The following RBFOX1 variants were observed in gnomAD, a reference collection of about 807,000 sequenced individuals.
The protein encoded by RBFOX1 is RNA binding fox-1 homolog 1, also known as RNA binding protein fox-1 homolog 1.
RBFOX1 carries 8 observed loss-of-function variants against 57.7 expected under a neutral mutation model. The ratio of observed to expected loss-of-function variants is 0.14; its 90% CI spans 0.08 to 0.25. The LOEUF (loss-of-function observed/expected upper bound fraction) is 0.25, where lower values mean the gene tolerates loss of function less well. RBFOX1 is among the 10% of genes least tolerant of loss of function. The probability of loss-of-function intolerance (pLI) is 1.00; values close to 1 mark genes in which losing one functional copy is unlikely to be tolerated. For missense variants in RBFOX1, 611 were observed against 548.5 expected, an observed-to-expected ratio of 1.11 and a Z score of -1.14; for synonymous variants, 326 against 222.4, an observed-to-expected ratio of 1.47 and a Z score of -4.15.
chr16:6,907,678 C>T (rs1019778773), intron 3 of RBFOX1, among the ~76,000 whole-genome samples: 9 of 152,190 alleles, frequency 5.9e-5, no homozygotes, highest in Non-Finnish European at 1.3e-4. Flanking sequence ...TCAAGCAATT[C>T]TCCTGGCTCA....
intron 2 of RBFOX1, among the ~76,000 whole-genome samples, chr16:5,495,735 C>A (rs1457501477): frequency 2.0e-5 from 3 of 152,214 alleles, no homozygotes; most frequent in Non-Finnish European, 4.4e-5. Flanking sequence ...TCCATAAATA[C>A]CCATATCTGG....
rs537608360 is a variant in RBFOX1 at position 7,262,086 on chromosome 16, T to C, written c.27+209988T>C. ...TGGAGGTTTCACTATGTTTTCCTTT[T>C]GCTGGGGGTACCATTTCTGGGAAAT... On this transcript the variant is annotated intron_variant, in intron 4 of 15. Transcript: ENST00000550418. Among the ~76,000 whole-genome samples, 318 of 152,328 alleles carry C rather than the reference T, an allele frequency of 2.1e-3. 2 individuals carry two copies. Among genetic ancestry groups the C allele is most frequent in the Middle Eastern group, 6.8e-3 (2 of 294 alleles).
At chr16:6,330,968 G>A (rs2082950167) in intron 2 of RBFOX1, among the ~76,000 whole-genome samples, 1 of 152,166 alleles carries the variant, frequency 6.6e-6, no homozygotes, top group African/African-American at 2.4e-5. Context: ...AATTGAAAGA[G>A]CAGATATGAG....
At chr16:6,252,786 G>C (rs113060151) in intron 1 of RBFOX1, among the ~76,000 whole-genome samples, 8 of 152,138 alleles carry the variant, frequency 5.3e-5, no homozygotes, top group African/African-American at 1.9e-4. Context: ...TAAATTCTGC[G>C]TAGGGAATTA....
At chr16:5,311,199 C>G (rs1017296171) in intron 1 of RBFOX1, among the ~76,000 whole-genome samples, 16 of 152,098 alleles carry the variant, frequency 1.1e-4, no homozygotes, top group African/African-American at 3.6e-4. Flanking sequence ...GAGTAGTATT[C>G]CACGGTATGT....
At chr16:5,963,586 A>G (rs2059791788) in intron 4 of RBFOX1, among the ~76,000 whole-genome samples, 1 of 152,198 alleles carries the variant, frequency 6.6e-6, no homozygotes, top group Admixed American at 6.5e-5. Flanking sequence ...CTTAATAGAG[A>G]GCTCAGAAAT....
intron 3 of RBFOX1, among the ~76,000 whole-genome samples, chr16:6,993,436 C>G (rs999498411): frequency 1.2e-4 from 18 of 152,250 alleles, no homozygotes; most frequent in African/African-American, 4.1e-4. Flanking sequence ...AAATGCATTG[C>G]TGGCTGAGGG....
intron 5 of RBFOX1, among the ~76,000 whole-genome samples, chr16:7,528,308 C>T (rs2079161585): frequency 6.6e-6 from 1 of 152,280 alleles, no homozygotes; most frequent in African/African-American, 2.4e-5. Flanking sequence ...TCAGTTTACC[C>T]ACTCAGGATG....
At chr16:5,653,033 C>T (rs114558243) in intron 3 of RBFOX1, among the ~76,000 whole-genome samples, 3,771 of 146,528 alleles carry the variant, frequency 0.026, 151 homozygotes, top group African/African-American at 0.089. Flanking sequence ...GGCTTCTGTG[C>T]GGAAAGTGGG....
intron 9 of RBFOX1, among the ~76,000 whole-genome samples, chr16:7,603,112 C>T (rs1448924409): frequency 6.6e-6 from 1 of 152,080 alleles, no homozygotes; most frequent in Non-Finnish European, 1.5e-5. Flanking sequence ...TAAACGCCTA[C>T]ATCAAAAAAG....
chr16:5,846,032 G>A (rs995034878), intron 3 of RBFOX1, among the ~76,000 whole-genome samples: 49 of 152,174 alleles, frequency 3.2e-4, no homozygotes, highest in African/African-American at 1.1e-3. Flanking sequence ...AATTACCCAG[G>A]CATGGAGGTG....
intron 4 of RBFOX1, among the ~76,000 whole-genome samples, chr16:7,165,928 G>GCACA (rs1567535708): frequency 2.7e-5 from 2 of 75,382 alleles, no homozygotes; most frequent in Admixed American, 1.5e-4. Context: ...CCCACCGCAT[G>GCACA]CACATACACA....
At chr16:7,709,462 T>A in intron 15 of RBFOX1, 1 of 1,436,666 alleles carries the variant, frequency 7.0e-7, no homozygotes, top group Non-Finnish European at 9.1e-7. Flanking sequence ...TTTTTTCTTT[T>A]TTTTTCCCTC....
At chr16:7,697,337 G>C (rs1190314952) in intron 14 of RBFOX1, among the ~76,000 whole-genome samples, 5 of 152,120 alleles carry the variant, frequency 3.3e-5, no homozygotes, top group African/African-American at 1.2e-4. Flanking sequence ...CCCCACTCTT[G>C]TTCTAAGGGT....
chr16:6,771,705 T>TA, intron 3 of RBFOX1, among the ~76,000 whole-genome samples: 1 of 152,322 alleles, frequency 6.6e-6, no homozygotes, highest in East Asian at 1.9e-4. Flanking sequence ...CAAGGCACTA[T>TA]AATGCTACTG....
rs1005035453 is a variant in RBFOX1 at position 6,631,815 on chromosome 16, G to A, written c.-63-22788G>A. Reference sequence around the variant, plus strand: ...GAGCAGCAGCTCTGCAGGGGGCGGGGGTAGAGCGGGTGCATGCAAACACCC... The same window carrying A: ...GAGCAGCAGCTCTGCAGGGGGCGGGAGTAGAGCGGGTGCATGCAAACACCC... On this transcript the variant is annotated intron_variant, in intron 2 of 15. Transcript: ENST00000550418. Among the ~76,000 whole-genome samples the A allele has an allele frequency of 2.0e-5, 3 of 152,018 alleles. No individual in the cohort carries two copies. The East Asian group carries it at 5.8e-4, about 29-fold the overall frequency.
intron 4 of RBFOX1, among the ~76,000 whole-genome samples, chr16:7,447,459 C>G (rs28405182): frequency 0.38 from 55,766 of 147,510 alleles, 11,005 homozygotes; most frequent in Non-Finnish European, 0.44. Flanking sequence ...AAGAGAGATT[C>G]CAATGAGATT....
chr16:7,410,833 G>A (rs1372923649), intron 4 of RBFOX1, among the ~76,000 whole-genome samples: 488 of 5,350 alleles, frequency 0.091, 4 homozygotes, highest in African/African-American at 0.12. Flanking sequence ...GTTTTCACGT[G>A]TGTGTGTGTG....
chr16:7,507,467 C>G (rs948395079), intron 4 of RBFOX1, among the ~76,000 whole-genome samples: 3 of 151,756 alleles, frequency 2.0e-5, no homozygotes, highest in African/African-American at 7.3e-5. Flanking sequence ...TCTGGGGCAA[C>G]TTTTGACAGT....
Sources: gnomAD v4.1 joint callset for allele counts (sites outside exome capture counted in the v4.1 genomes callset) on GRCh38, gnomAD v4.1.1 for gene constraint, MANE v1.5 for transcripts, NCBI Gene and HGNC (gene_info 2026-07-23, HGNC 2026-07-21) for gene names.